FSTL4: variants seen among roughly 807,000 people sequenced by gnomAD.
The protein encoded by FSTL4 is follistatin-related protein 4.
In FSTL4, 28 loss-of-function variants were observed where a neutral mutation model predicts 78.2. That is an observed-to-expected ratio of 0.36 (90% CI 0.27 to 0.49). FSTL4 has a LOEUF of 0.49. Among genes scored for constraint, FSTL4 ranks in the 20% least tolerant of loss-of-function variants. FSTL4 has a pLI of 0.98. For synonymous variants in FSTL4, 422 were observed against 440.5 expected, an observed-to-expected ratio of 0.96 and a Z score of 0.53; for missense variants, 922 against 1,084.9, an observed-to-expected ratio of 0.85 and a Z score of 2.11.
chr5:133,488,727 A>ATAG (rs1758191935), intron 3 of FSTL4, among the ~76,000 whole-genome samples: 1 of 152,232 alleles, frequency 6.6e-6, no homozygotes, highest in African/African-American at 2.4e-5. Flanking sequence ...AAATGAAAAC[A>ATAG]TAGTAGTAAG....
At chr5:133,452,002 C>T (rs970855846) in intron 3 of FSTL4, among the ~76,000 whole-genome samples, 1 of 152,218 alleles carries the variant, frequency 6.6e-6, no homozygotes, top group Non-Finnish European at 1.5e-5. Context: ...GATGCAGATA[C>T]AAAAAGTATG....
At chr5:133,317,222 G>T (rs994157595) in intron 4 of FSTL4, among the ~76,000 whole-genome samples, 5 of 152,196 alleles carry the variant, frequency 3.3e-5, no homozygotes, top group Admixed American at 2.0e-4. Context: ...GCTTTACAAC[G>T]TTAAAACCGA....
At chr5:133,329,402 T>A (rs80016881) in intron 4 of FSTL4, among the ~76,000 whole-genome samples, 5 of 147,460 alleles carry the variant, frequency 3.4e-5, no homozygotes, top group African/African-American at 1.3e-4. Flanking sequence ...GAGAGAGAGA[T>A]ATATATATAT....
intron 3 of FSTL4, among the ~76,000 whole-genome samples, chr5:133,402,007 G>A (rs1449856676): frequency 6.6e-6 from 1 of 152,122 alleles, no homozygotes; most frequent in Non-Finnish European, 1.5e-5. Flanking sequence ...TTCAGGATGG[G>A]GGTGGGGGTA....
chr5:133,311,677 T>A (rs1401221439), intron 6 of FSTL4, among the ~76,000 whole-genome samples: 1 of 151,918 alleles, frequency 6.6e-6, no homozygotes, highest in Non-Finnish European at 1.5e-5. Flanking sequence ...AAGGCTGGGG[T>A]TGAGGGAGGA....
chr5:133,425,408 C>T (rs1756791354), intron 3 of FSTL4, among the ~76,000 whole-genome samples: 1 of 152,172 alleles, frequency 6.6e-6, no homozygotes, highest in African/African-American at 2.4e-5. Flanking sequence ...CATCGCCAAA[C>T]CCTCCAGGCC....
the FSTL4 span, among the ~76,000 whole-genome samples, chr5:133,710,120 G>A: frequency 6.6e-6 from 1 of 152,194 alleles, no homozygotes; most frequent in Non-Finnish European, 1.5e-5. Flanking sequence ...TGCACGGGAA[G>A]ATGGTGCTTC....
chr5:133,273,811 G>A (rs1019408159), intron 6 of FSTL4, among the ~76,000 whole-genome samples: 6 of 152,116 alleles, frequency 3.9e-5, no homozygotes, highest in Admixed American at 1.3e-4. Flanking sequence ...CTCTGCCCAG[G>A]GAGGGTCCAT....
the FSTL4 span, among the ~76,000 whole-genome samples, chr5:133,660,445 A>G: frequency 6.6e-6 from 1 of 152,266 alleles, no homozygotes; most frequent in Non-Finnish European, 1.5e-5. Flanking sequence ...TGCCAGCAGC[A>G]AAGACTGGCC....
chr5:133,670,752 T>G, the FSTL4 span, among the ~76,000 whole-genome samples: 3 of 152,238 alleles, frequency 2.0e-5, no homozygotes, highest in African/African-American at 7.2e-5. Context: ...ATCCTGAATG[T>G]TAAGCATTAG....
Position 133,249,514 on chromosome 5 carries a change from G to T in FSTL4, c.790C>A (p.Leu264Met), listed in dbSNP as rs1229896635. 2 of 1,613,282 alleles carry T rather than the reference G, an allele frequency of 1.2e-6. No individual in the cohort carries two copies. Among genetic ancestry groups the T allele is most frequent in the Non-Finnish European group, 1.7e-6 (2 of 1,179,460 alleles). ...ACGGCGCAGGTCAGCACTGTGCTCAGCCCCACGGTCACTGTGGTCACACTG... is the reference window on the plus strand; with the variant it reads ...ACGGCGCAGGTCAGCACTGTGCTCATCCCCACGGTCACTGTGGTCACACTG... ...RVSVTTVTVGLSTVLTCAVHG... is the reference protein window; with the variant it reads ...RVSVTTVTVGMSTVLTCAVHG... The change falls in exon 7 of 16, where the codon CTG becomes ATG. Residue 264 changes from leucine to methionine, a missense_variant. Leu to Met is a conservative substitution (Grantham distance 15). Coordinates refer to ENST00000265342, the MANE Select transcript of FSTL4 (RefSeq NM_015082.2).
intron 10 of FSTL4, among the ~76,000 whole-genome samples, chr5:133,224,749 G>A (rs975663510): frequency 1.1e-4 from 16 of 152,338 alleles, no homozygotes; most frequent in African/African-American, 3.6e-4. Flanking sequence ...TGGACCCCTA[G>A]TGTAAAGGCT....
chr5:133,633,641 G>T, the FSTL4 span, among the ~76,000 whole-genome samples: 1 of 151,942 alleles, frequency 6.6e-6, no homozygotes, highest in Non-Finnish European at 1.5e-5. Context: ...ATTTTTCATT[G>T]TTTGATATCT....
intron 4 of FSTL4, among the ~76,000 whole-genome samples, chr5:133,352,319 T>C (rs796997440): frequency 6.6e-5 from 9 of 137,256 alleles, no homozygotes; most frequent in South Asian, 2.3e-4. Context: ...TATACACACA[T>C]ATATATACAC....
intron 3 of FSTL4, among the ~76,000 whole-genome samples, chr5:133,406,591 C>T (rs1756368075): frequency 6.6e-6 from 1 of 152,190 alleles, no homozygotes; most frequent in South Asian, 2.1e-4. Flanking sequence ...GTCAGGTCCA[C>T]CTCCACCCTG....
the FSTL4 span, among the ~76,000 whole-genome samples, chr5:133,761,763 G>A: frequency 6.6e-6 from 1 of 152,158 alleles, no homozygotes; most frequent in African/African-American, 2.4e-5. Flanking sequence ...GATTGAAAGA[G>A]GCTGTAATGA....
chr5:133,616,123 G>A (rs1212453627), upstream of FSTL4, among the ~76,000 whole-genome samples: 2 of 152,124 alleles, frequency 1.3e-5, no homozygotes, highest in African/African-American at 4.8e-5. Context: ...GGATGAGATG[G>A]CCAGGCCTAC....
chr5:133,221,913 T>TTTTTTTTG (rs1554097225), intron 11 of FSTL4, among the ~76,000 whole-genome samples: 7,722 of 97,392 alleles, frequency 0.079, 477 homozygotes, highest in East Asian at 0.15. Context: ...TTTTTTTTTT[T>TTTTTTTTG]TTTTTTTTTT....
intron 6 of FSTL4, among the ~76,000 whole-genome samples, chr5:133,255,369 T>G (rs903832494): frequency 5.3e-5 from 8 of 152,156 alleles, no homozygotes; most frequent in Non-Finnish European, 1.2e-4. Context: ...GCTCTGCAAG[T>G]AGGGAATCTG....
Sources: allele counts gnomAD v4.1 joint callset (sites outside exome capture counted in the v4.1 genomes callset), GRCh38; gene constraint gnomAD v4.1.1; transcripts MANE v1.5; gene names NCBI Gene and HGNC (gene_info 2026-07-23, HGNC 2026-07-21).